The following PTPN18 variants were observed in gnomAD, a reference collection of about 807,000 sequenced individuals.
PTPN18 encodes protein tyrosine phosphatase non-receptor type 18.
Under a neutral mutation model 65.4 loss-of-function variants are expected in PTPN18, and 65 were observed. The ratio of observed to expected loss-of-function variants is 0.99; its 90% CI spans 0.81 to 1.22. PTPN18 has a LOEUF of 1.22. PTPN18 is among the 50% of genes most tolerant of loss of function. The probability of loss-of-function intolerance (pLI) is 0.00; values close to 1 mark genes in which losing one functional copy is unlikely to be tolerated. For missense variants in PTPN18, 616 were observed against 646.5 expected (o/e 0.95, Z 0.51); for synonymous variants, 255 against 267.8 (o/e 0.95, Z 0.47).
intron 1 of PTPN18, among the ~76,000 whole-genome samples, chr2:130,357,616 G>A (rs977586882): frequency 5.3e-5 from 8 of 152,130 alleles, no homozygotes; most frequent in Non-Finnish European, 1.0e-4. Flanking sequence ...CAGCACTTTG[G>A]GAGGCCGAGG....
chr2:130,359,545 T>G (rs1680125025), intron 4 of PTPN18, 53 bp downstream of exon 4: 1 of 1,612,290 alleles, frequency 6.2e-7, no homozygotes, highest in Non-Finnish European at 8.5e-7. Context: ...AAGTACCCCC[T>G]CGGCAGTTTC....
chr2:130,362,952 T>G (rs1296003246), intron 5 of PTPN18, among the ~76,000 whole-genome samples: 1 of 151,922 alleles, frequency 6.6e-6, no homozygotes, highest in East Asian at 2.0e-4. Context: ...CCCGAGTAGC[T>G]AGGACTACAG....
rs915282716 is a variant in PTPN18 at position 130,372,544 on chromosome 2, A to G, written c.1240+61A>G. Reference sequence around the variant, plus strand: ...CTGCTGTGATCCGCAGGGCGGAACCATCCTGCAGTGGTCCGTCAGGCCCTG... The same window carrying G: ...CTGCTGTGATCCGCAGGGCGGAACCGTCCTGCAGTGGTCCGTCAGGCCCTG... On this transcript the variant is annotated intron_variant, in intron 13 of 14. Transcript: ENST00000175756. 9.9e-6 allele frequency: 14 copies of G among 1,409,384 alleles called. No homozygotes were observed. The African/African-American group carries it at 1.8e-4, about 18-fold the overall frequency. The allele number at this position is 1,409,384 out of a possible 1,614,324, so 87.3% of individuals were successfully genotyped here.
At position 130,356,130 on chromosome 2, in the gene PTPN18, C is replaced by T; in HGVS notation, c.23C>T (p.Ala8Val). Residue 8 changes from alanine (A) to valine (V), a missense_variant, in exon 1 of 15, where the codon GCG becomes GTG. Ala to Val is a moderately conservative substitution (Grantham distance 64, BLOSUM62 0). This residue lies in a region of PTPN18 where 223 missense variants were observed against 210.0 expected (regional missense o/e 1.06). Coordinates refer to ENST00000175756, the MANE Select transcript of PTPN18 (RefSeq NM_014369.4). MSRSLDS[A>V]RSFLERLEAR... ...GCCATGAGCCGCAGCCTGGACTCGG[C>T]GCGGAGCTTCCTGGAGCGGCTGGAA... 2 of 1,310,998 alleles carry T rather than the reference C, an allele frequency of 1.5e-6. No homozygotes were observed. The highest frequency in any genetic ancestry group is 2.2e-5 in the South Asian group (1 of 46,332). 81.2% of individuals were successfully genotyped at this position (1,310,998 alleles called of 1,614,324 possible).
chr2:130,367,871 CT>C (rs1680436432), intron 5 of PTPN18, among the ~76,000 whole-genome samples: 1 of 152,098 alleles, frequency 6.6e-6, no homozygotes, highest in Non-Finnish European at 1.5e-5. Flanking sequence ...ATCCCCCTTT[CT>C]CCTTTCCTTC....
intron 13 of PTPN18, 135 bp downstream of exon 13, chr2:130,372,618 T>A: frequency 8.5e-7 from 1 of 1,177,916 alleles, no homozygotes; most frequent in Non-Finnish European, 1.2e-6. Flanking sequence ...CCGACGCTGA[T>A]GTCCAGGCGT....
intron 5 of PTPN18, among the ~76,000 whole-genome samples, chr2:130,365,059 T>C (rs1371629469): frequency 6.6e-6 from 1 of 152,210 alleles, no homozygotes; most frequent in Non-Finnish European, 1.5e-5. Flanking sequence ...GTAAACATCA[T>C]AGAGTATACT....
At chr2:130,368,148 T>C (rs1216987911) in intron 5 of PTPN18, among the ~76,000 whole-genome samples, 2 of 152,208 alleles carry the variant, frequency 1.3e-5, no homozygotes, top group Non-Finnish European at 2.9e-5. Flanking sequence ...TTTGAGTGTA[T>C]TTGTAATAGC....
Position 130,370,576 on chromosome 2 carries a change from G to A in PTPN18, c.709G>A (p.Gly237Ser). 1 of 1,614,126 alleles carries A rather than the reference G, an allele frequency of 6.2e-7. No individual in the cohort carries two copies. Among genetic ancestry groups the A allele is most frequent in the Non-Finnish European group, 8.5e-7 (1 of 1,180,026 alleles). Residue 237 changes from glycine to serine, a missense_variant, in exon 9 of 15, where the codon GGC (glycine) becomes AGC (serine). Coordinates refer to ENST00000175756, the MANE Select transcript of PTPN18 (RefSeq NM_014369.4). ...VHCSAGCGRT[G>S]VLCTVDYVRQ... Reference sequence around the variant, plus strand: ...TGTCAGTGCGGGTTGTGGGCGAACAGGCGTCCTGTGCACCGTGGATTATGT... The same window carrying A: ...TGTCAGTGCGGGTTGTGGGCGAACAAGCGTCCTGTGCACCGTGGATTATGT...
At chr2:130,366,905 C>T (rs961368901) in intron 5 of PTPN18, among the ~76,000 whole-genome samples, 7 of 151,998 alleles carry the variant, frequency 4.6e-5, no homozygotes, top group Admixed American at 3.9e-4. Context: ...CTCACTGCAG[C>T]CTCAAACTCC....
chr2:130,372,626 C>T (rs1675505282), intron 13 of PTPN18, 143 bp downstream of exon 13: 11 of 1,146,592 alleles, frequency 9.6e-6, no homozygotes, highest in Non-Finnish European at 1.2e-5. Context: ...GATGTCCAGG[C>T]GTCCCTGGCC....
chr2:130,370,377 T>C lies in PTPN18; in HGVS notation c.690-180T>C, dbSNP rs1518289. 0.028 allele frequency: 30,664 copies of C among 1,100,558 alleles called. 5,825 individuals carry two copies. In the African/African-American group the frequency reaches 0.42, roughly 15 times the overall value. 68.2% of individuals were successfully genotyped at this position (1,100,558 alleles called of 1,614,324 possible). A position where few individuals can be genotyped will look rare whatever the true frequency, so the allele number is the denominator to read the frequency against. ...CAGCTGGGGAATAAGCACACAGCTCTTGCTCAACAAAATGTAAGTGATTAA... is the reference window on the plus strand; with the variant it reads ...CAGCTGGGGAATAAGCACACAGCTCCTGCTCAACAAAATGTAAGTGATTAA... On this transcript the variant is annotated intron_variant, in intron 8 of 14. Coordinates refer to ENST00000175756, the MANE Select transcript of PTPN18 (RefSeq NM_014369.4).
chr2:130,371,905 C>T, intron 12 of PTPN18: 1 of 255,474 alleles, frequency 3.9e-6, no homozygotes. Flanking sequence ...GGGATTGAGC[C>T]GCCTTCGCAG....
Position 130,374,823 on chromosome 2 carries a change from C to T in PTPN18, c.*1599C>T. 1 of 413,984 alleles carries T rather than the reference C, an allele frequency of 2.4e-6. No individual in the cohort carries two copies. The highest frequency in any genetic ancestry group is 2.7e-5 in the Admixed American group (1 of 37,104). 25.6% of individuals were successfully genotyped at this position (413,984 alleles called of 1,614,324 possible). On this transcript the variant is annotated 3_prime_UTR_variant, in exon 15 of 15. Coordinates refer to ENST00000175756, the MANE Select transcript of PTPN18 (RefSeq NM_014369.4). Reference sequence around the variant, plus strand: ...CTGCATCCATGGTCGATCTCAAGTGCCTTGGCATGAACTCCACTCTCCTGC... The same window carrying T: ...CTGCATCCATGGTCGATCTCAAGTGTCTTGGCATGAACTCCACTCTCCTGC...
chr2:130,360,719 A>C (rs1680164943), intron 5 of PTPN18, among the ~76,000 whole-genome samples: 1 of 152,192 alleles, frequency 6.6e-6, no homozygotes, highest in Non-Finnish European at 1.5e-5. Flanking sequence ...CTGACCCTTT[A>C]TAAAAATGTC....
chr2:130,358,085 A>G (rs1461570847), intron 1 of PTPN18, among the ~76,000 whole-genome samples: 1 of 152,214 alleles, frequency 6.6e-6, no homozygotes, highest in African/African-American at 2.4e-5. Context: ...CACATGCGGA[A>G]GGCTGGGTGG....
intron 6 of PTPN18, 132 bp downstream of exon 6, chr2:130,369,333 T>A: frequency 3.8e-6 from 3 of 793,698 alleles, no homozygotes; most frequent in Non-Finnish European, 6.1e-6. Context: ...TGCAAATAGT[T>A]AGAACTTACT....
rs780094184 is a variant in PTPN18, at chr2:130,372,948, G to A, written c.1315+1G>A. On this transcript the variant is annotated splice_donor_variant, in intron 14 of 14. Coordinates refer to ENST00000175756, the MANE Select transcript of PTPN18 (RefSeq NM_014369.4). LOFTEE classifies it high-confidence loss of function. ...GGTGGAGCTCAGACCGGTGGGCTAG[G>A]TAAGTCAGGTAGAGCCTGGGTTGCT... The A allele has an allele frequency of 6.2e-7, 1 of 1,614,148 alleles. No homozygotes were observed. Among genetic ancestry groups the A allele is most frequent in the Non-Finnish European group, 8.5e-7 (1 of 1,180,008 alleles).
Position 130,373,078 on chromosome 2 carries a change from G to A in PTPN18, c.1316-79G>A. On this transcript the variant is annotated intron_variant, in intron 14 of 14. Transcript: ENST00000175756. The surrounding 1 kb of genome is among the most constrained non-coding windows in gnomAD (Gnocchi z 4.1). Reference sequence around the variant, plus strand: ...TGAACCAGGAGGACCTGGAGGCGGGGGGATGGCCTTCTTCATGTCTGCCAG... The same window carrying A: ...TGAACCAGGAGGACCTGGAGGCGGGAGGATGGCCTTCTTCATGTCTGCCAG... 6.5e-7 allele frequency: 1 copy of A among 1,542,662 alleles called. No homozygotes were observed. Among genetic ancestry groups the A allele is most frequent in the East Asian group, 2.3e-5 (1 of 43,900 alleles).
Sources: gnomAD v4.1 joint callset for allele counts (sites outside exome capture counted in the v4.1 genomes callset) on GRCh38, gnomAD v4.1.1 for gene constraint, gnomAD v4.1.1 regional missense constraint, Gnocchi (gnomAD v3.1) non-coding constraint, MANE v1.5 for transcripts, NCBI Gene and HGNC (gene_info 2026-07-23, HGNC 2026-07-21) for gene names.